The following RBM26 variants were observed in gnomAD, a reference collection of about 807,000 sequenced individuals.
RBM26 encodes RNA binding motif protein 26.
Under a neutral mutation model 123.6 loss-of-function variants are expected in RBM26, and 30 were observed. The ratio of observed to expected loss-of-function variants is 0.24; its 90% confidence interval spans 0.18 to 0.33. The LOEUF is 0.33. Among genes scored for constraint, RBM26 ranks in the 10% least tolerant of loss-of-function variants. The probability of loss-of-function intolerance (pLI) is 1.00; values close to 1 mark genes in which losing one functional copy is unlikely to be tolerated. For missense variants in RBM26, 947 were observed against 1,203.6 expected (o/e 0.79, Z 3.15); for synonymous variants, 400 against 404.4 (o/e 0.99, Z 0.13).
intron 1 of RBM26, among the ~76,000 whole-genome samples, chr13:79,400,893 G>C (rs1351117010): frequency 3.9e-5 from 6 of 152,142 alleles, no homozygotes; most frequent in Non-Finnish European, 8.8e-5. Context: ...AAATGGCTGA[G>C]GGCAAATTAA....
chr13:79,345,482 T>C (rs1443458193), intron 14 of RBM26, among the ~76,000 whole-genome samples: 1 of 152,100 alleles, frequency 6.6e-6, no homozygotes, highest in African/African-American at 2.4e-5. Flanking sequence ...TATTAATTAA[T>C]GTGTCTTTTC....
chr13:79,323,894 A>C (rs1164784619), intron 20 of RBM26, among the ~76,000 whole-genome samples: 1 of 151,770 alleles, frequency 6.6e-6, no homozygotes, highest in Non-Finnish European at 1.5e-5. Flanking sequence ...TAAAGATGTA[A>C]ATTTACTCAG....
rs1284536487 is a variant in RBM26 at position 79,320,302 on chromosome 13, G to A, written c.*319C>T. 3 of 998,468 alleles carry A rather than the reference G, an allele frequency of 3.0e-6. No homozygotes were observed. Among genetic ancestry groups the A allele is most frequent in the Admixed American group, 5.8e-5 (1 of 17,254 alleles). The allele number at this position is 998,468 out of a possible 1,614,324, so 61.9% of individuals were successfully genotyped here. The stretch of plus-strand genomic sequence containing the variant: ...GTCCTCTAAGTTATAACAAGTATTG[G>A]TCATAAGTTTTCAGACCTATTCATT... On this transcript the variant is annotated 3_prime_UTR_variant, in exon 22 of 22. Coordinates refer to ENST00000438737, the MANE Select transcript of RBM26 (RefSeq NM_001366735.2).
chr13:79,338,965 G>A (rs1381119442), intron 18 of RBM26, among the ~76,000 whole-genome samples: 3 of 152,168 alleles, frequency 2.0e-5, no homozygotes, highest in Non-Finnish European at 4.4e-5. Context: ...GGGTGTAGGA[G>A]CAAGATAAGC....
intron 15 of RBM26, 112 bp from the exon 16 acceptor site, chr13:79,344,434 AAGGCTTTTCTATG>A: frequency 1.1e-6 from 1 of 910,344 alleles, no homozygotes. Context: ...AATTATATGC[AAGGCTTTTCTATG>A]TAAAACTTAA....
chr13:79,318,142 TCTG>T (rs2067316433), downstream of RBM26, among the ~76,000 whole-genome samples: 1 of 151,496 alleles, frequency 6.6e-6, no homozygotes, highest in South Asian at 2.1e-4. Context: ...GACCAAGTAG[TCTG>T]CTAATTTTGT....
chr13:79,373,403 TTATATAC>T (rs1257071384), intron 3 of RBM26, among the ~76,000 whole-genome samples: 2 of 59,660 alleles, frequency 3.4e-5, no homozygotes, highest in Non-Finnish European at 2.8e-5. Context: ...ATAATATATA[TTATATAC>T]TATATATAAA....
At chr13:79,391,101 T>C (rs1206248371) in intron 1 of RBM26, among the ~76,000 whole-genome samples, 1 of 152,162 alleles carries the variant, frequency 6.6e-6, no homozygotes, top group Non-Finnish European at 1.5e-5. Context: ...GGATTTTCTT[T>C]AAAAATAAGA....
At chr13:79,380,495 T>TAA (rs1190372423) in intron 1 of RBM26, among the ~76,000 whole-genome samples, 7 of 126,096 alleles carry the variant, frequency 5.6e-5, no homozygotes, top group South Asian at 2.9e-4. Flanking sequence ...GGGAAAGTTT[T>TAA]TAAAAAAAAA....
intron 1 of RBM26, among the ~76,000 whole-genome samples, chr13:79,390,714 A>C (rs995799562): frequency 2.0e-5 from 3 of 152,208 alleles, no homozygotes; most frequent in Admixed American, 6.5e-5. Context: ...GCACACTAAA[A>C]TGTTAATGGT....
intron 14 of RBM26, among the ~76,000 whole-genome samples, chr13:79,346,850 A>T (rs967626036): frequency 1.3e-5 from 2 of 152,222 alleles, no homozygotes; most frequent in South Asian, 4.1e-4. Context: ...ACAGAGCCTA[A>T]TTAAGTTTCA....
At chr13:79,342,353 T>C (rs1212047278) in intron 17 of RBM26, among the ~76,000 whole-genome samples, 2 of 151,860 alleles carry the variant, frequency 1.3e-5, no homozygotes, top group Non-Finnish European at 1.5e-5. Flanking sequence ...ATTAACCCTC[T>C]ATATCACCAA....
At chr13:79,391,184 G>T (rs991950639) in intron 1 of RBM26, among the ~76,000 whole-genome samples, 1 of 152,160 alleles carries the variant, frequency 6.6e-6, no homozygotes, top group East Asian at 1.9e-4. Flanking sequence ...CTGACTTCTC[G>T]TGGTAAGTCA....
chr13:79,394,216 A>T (rs1229982091), intron 1 of RBM26, among the ~76,000 whole-genome samples: 1 of 152,082 alleles, frequency 6.6e-6, no homozygotes, highest in African/African-American at 2.4e-5. Flanking sequence ...ACGACTTACC[A>T]TATGCTTTCC....
chr13:79,363,848 T>C (rs2074983683), intron 9 of RBM26, among the ~76,000 whole-genome samples: 1 of 152,004 alleles, frequency 6.6e-6, no homozygotes, highest in Non-Finnish European at 1.5e-5. Context: ...AGCAGCAAGG[T>C]AGAAAGAAAT....
chr13:79,394,288 G>A (rs775167230), intron 1 of RBM26, among the ~76,000 whole-genome samples: 6 of 152,146 alleles, frequency 3.9e-5, no homozygotes, highest in Non-Finnish European at 8.8e-5. Flanking sequence ...CCTCCATAAA[G>A]GCTCACTCTG....
chr13:79,375,545 T>C (rs945713071), intron 3 of RBM26, among the ~76,000 whole-genome samples: 1 of 152,096 alleles, frequency 6.6e-6, no homozygotes, highest in Non-Finnish European at 1.5e-5. Context: ...GAATAAACCA[T>C]TGCATATCTC....
intron 20 of RBM26, among the ~76,000 whole-genome samples, chr13:79,330,855 C>T (rs913210566): frequency 2.0e-5 from 3 of 152,106 alleles, no homozygotes; most frequent in African/African-American, 7.2e-5. Flanking sequence ...CTTCAGACCT[C>T]AAGTTACTAA....
intron 1 of RBM26, among the ~76,000 whole-genome samples, chr13:79,391,461 T>C (rs7981500): frequency 0.5 from 76,791 of 152,074 alleles, 19,794 homozygotes; most frequent in Middle Eastern, 0.6. Context: ...TCTTGTTCTG[T>C]AGCTCAGGCT....
Sources: allele counts gnomAD v4.1 joint callset (sites outside exome capture counted in the v4.1 genomes callset), GRCh38; gene constraint gnomAD v4.1.1; transcripts MANE v1.5; gene names NCBI Gene and HGNC (gene_info 2026-07-23, HGNC 2026-07-21).